PAH: variants seen among roughly 807,000 people sequenced by gnomAD.
PAH encodes phenylalanine-4-hydroxylase.
In PAH, 64 loss-of-function variants were observed where a neutral mutation model predicts 62.0. The ratio of observed to expected loss-of-function variants is 1.03; its 90% CI spans 0.84 to 1.27. The LOEUF is 1.27. PAH is among the 50% of genes most tolerant of loss of function. The probability of loss-of-function intolerance (pLI) is 0.00; values close to 1 mark genes in which losing one functional copy is unlikely to be tolerated. For synonymous variants in PAH, 195 were observed against 196.2 expected, an observed-to-expected ratio of 0.99 and a Z score of 0.05; for missense variants, 579 against 542.8, an observed-to-expected ratio of 1.07 and a Z score of -0.66.
chr12:102,839,370 TATA>T, intron 12 of PAH, 152 bp from the exon 13 acceptor site: 4 of 715,492 alleles, frequency 5.6e-6, no homozygotes, highest in Non-Finnish European at 1.0e-5. Flanking sequence ...CTCATTATGG[TATA>T]AGTACTTGCA....
At position 102,957,664 on chromosome 12, in the gene PAH, C is replaced by G. The variant is rs995693288; in HGVS notation, c.-96+531G>C. 2 of 152,404 alleles carry G rather than the reference C, an allele frequency of 1.3e-5. No homozygotes were observed. Among genetic ancestry groups the G allele is most frequent in the Non-Finnish European group, 2.9e-5 (2 of 68,110 alleles). The allele number at this position is 152,404 out of a possible 1,614,324, so 9.4% of individuals were successfully genotyped here. A position where few individuals can be genotyped will look rare whatever the true frequency, so the allele number is the denominator to read the frequency against. On this transcript the variant is annotated intron_variant, in intron 1 of 4. Coordinates refer to the PAH transcript ENST00000551337. This position sits in a 1 kb window ranked among gnomAD's most constrained non-coding sequence, Gnocchi z 4.1. ...GTCCCATTGAAAAGGCGGACGCACT[C>G]CGGCAGCCCAGCACTCTCTCACTTC...
At chr12:102,880,881 T>C (rs902053066) in intron 3 of PAH, among the ~76,000 whole-genome samples, 6 of 152,002 alleles carry the variant, frequency 3.9e-5, no homozygotes, top group Non-Finnish European at 7.4e-5. Flanking sequence ...AAAAATTCCA[T>C]CTTTATTGGG....
At chr12:102,882,994 G>A (rs567338218) in intron 3 of PAH, among the ~76,000 whole-genome samples, 1 of 152,148 alleles carries the variant, frequency 6.6e-6, no homozygotes, top group East Asian at 1.9e-4. Context: ...AGAGGAGGAG[G>A]GAGGAGGAAA....
upstream of PAH, chr12:102,917,295 T>C (rs1340012232): frequency 8.7e-6 from 6 of 686,440 alleles, no homozygotes; most frequent in Non-Finnish European, 1.0e-5. Flanking sequence ...ACGCCCCTCG[T>C]GGGCGTTGTC....
At chr12:102,882,075 C>G (rs1285949212) in intron 3 of PAH, among the ~76,000 whole-genome samples, 1 of 152,212 alleles carries the variant, frequency 6.6e-6, no homozygotes, top group Non-Finnish European at 1.5e-5. Flanking sequence ...ACATCCCCAC[C>G]AGCAGAGTAC....
At chr12:102,843,564 T>C (rs1874678030) in intron 11 of PAH, 82 bp downstream of exon 11, 3 of 1,449,594 alleles carry the variant, frequency 2.1e-6, no homozygotes, top group Non-Finnish European at 2.9e-6. Context: ...TGGAGTCCAC[T>C]CTCCTGGCCA....
chr12:102,887,165 G>A (rs962512070), intron 3 of PAH, among the ~76,000 whole-genome samples: 13 of 152,060 alleles, frequency 8.5e-5, no homozygotes, highest in African/African-American at 3.1e-4. Context: ...CAAGAGAAAG[G>A]AAGATGAGAA....
chr12:102,944,353 C>T (rs1291484389), intron 1 of PAH, among the ~76,000 whole-genome samples: 1 of 152,064 alleles, frequency 6.6e-6, no homozygotes, highest in Non-Finnish European at 1.5e-5. Flanking sequence ...ACTTTCTACC[C>T]CCATCTCTCT....
intron 1 of PAH, among the ~76,000 whole-genome samples, chr12:102,941,002 GA>G (rs1879267216): frequency 6.6e-6 from 1 of 152,178 alleles, no homozygotes; most frequent in South Asian, 2.1e-4. Flanking sequence ...AACCAGAAGA[GA>G]TTGGGGATCT....
intron 4 of PAH, among the ~76,000 whole-genome samples, chr12:102,868,665 A>T (rs1876168492): frequency 4.9e-5 from 1 of 20,364 alleles, no homozygotes; most frequent in African/African-American, 5.6e-4. Flanking sequence ...GATGTGGTTA[A>T]AAAAAAAAAA....
At chr12:102,899,082 T>C (rs144196212) in intron 2 of PAH, among the ~76,000 whole-genome samples, 28 of 152,298 alleles carry the variant, frequency 1.8e-4, no homozygotes, top group African/African-American at 6.5e-4. Context: ...CAGAGATTAC[T>C]TGTTAAACAA....
rs185980463 is a variant in PAH, at chr12:102,901,952, A to G, written c.169-7034T>C. Among the ~76,000 whole-genome samples, 7 of 152,338 alleles carry G rather than the reference A, an allele frequency of 4.6e-5. No homozygotes were observed. The East Asian group carries it at 1.4e-3, about 29-fold the overall frequency. On this transcript the variant is annotated intron_variant, in intron 2 of 12. Coordinates refer to ENST00000553106, the MANE Select transcript of PAH (RefSeq NM_000277.3). The stretch of plus-strand genomic sequence containing the variant: ...TGGAGCTTTATGTTCTCAAAGGAGG[A>G]GACAAACAGTAGTTATGGTAAATAA...
At chr12:102,889,456 A>C (rs187045382) in intron 3 of PAH, among the ~76,000 whole-genome samples, 1 of 148,938 alleles carries the variant, frequency 6.7e-6, no homozygotes, top group Non-Finnish European at 1.5e-5. Context: ...GATAGATGAT[A>C]GATGATTGAT....
At position 102,837,563 on chromosome 12, in the gene PAH, GAC is replaced by G. The variant is rs1874411958; in HGVS notation, c.*1610_*1611del. The stretch of plus-strand genomic sequence containing the variant: ...CCAACTTCAAAACAATGAAACTTCA[GAC>G]ACATTCAGTAAATTCCTCTTTCCTC... On this transcript the variant is annotated 3_prime_UTR_variant, in exon 13 of 13. Coordinates refer to ENST00000553106, the MANE Select transcript of PAH (RefSeq NM_000277.3). 6.6e-6 allele frequency: 1 copy of G among 152,170 alleles called. No homozygotes were observed. The highest frequency in any genetic ancestry group is 2.1e-4 in the South Asian group (1 of 4,826). 9.4% of individuals were successfully genotyped at this position (152,170 alleles called of 1,614,324 possible). A position where few individuals can be genotyped will look rare whatever the true frequency, so the allele number is the denominator to read the frequency against.
chr12:102,935,249 G>A lies in PAH; in HGVS notation c.-96+15340C>T, dbSNP rs116440057. Among the ~76,000 whole-genome samples the A allele has an allele frequency of 5.0e-3, 762 of 152,026 alleles. 6 individuals carry two copies. Among genetic ancestry groups the A allele is most frequent in the African/African-American group, 0.018 (727 of 41,540 alleles). On this transcript the variant is annotated intron_variant, in intron 1 of 3. Coordinates refer to the PAH transcript ENST00000546844. Reference sequence around the variant, plus strand: ...CCTTGTATCCTGGGATAAATCTCACGTGGTCTTGATGAATGATCTTTTAAA... The same window carrying A: ...CCTTGTATCCTGGGATAAATCTCACATGGTCTTGATGAATGATCTTTTAAA...
intron 2 of PAH, among the ~76,000 whole-genome samples, chr12:102,903,168 C>A (rs2136713421): frequency 6.6e-6 from 1 of 152,270 alleles, no homozygotes; most frequent in South Asian, 2.1e-4. Context: ...CGAGAACAGC[C>A]TGGCCAACAT....
Position 102,858,315 on chromosome 12 carries a change from G to A in PAH, c.510-2983C>T, listed in dbSNP as rs1592956618. On this transcript the variant is annotated intron_variant, in intron 5 of 12. Coordinates refer to ENST00000553106, the MANE Select transcript of PAH (RefSeq NM_000277.3). ...TATGCACCCAATACAGGAGCACCCA[G>A]ATTCATAAAGCAAGTCGTTAGAGAC... Among the ~76,000 whole-genome samples the A allele has an allele frequency of 2.0e-5, 3 of 152,306 alleles. No individual in the cohort carries two copies. In the Middle Eastern group the frequency reaches 0.01, roughly 518 times the overall value.
chr12:102,935,049 T>C (rs1169676138), intron 1 of PAH, among the ~76,000 whole-genome samples: 1 of 151,840 alleles, frequency 6.6e-6, no homozygotes, highest in African/African-American at 2.4e-5. Flanking sequence ...ATATGGCTTT[T>C]ATTGTGTTGA....
chr12:102,930,726 CA>C (rs1878831965), intron 1 of PAH, among the ~76,000 whole-genome samples: 1 of 152,170 alleles, frequency 6.6e-6, no homozygotes. Context: ...AATCCCTGAT[CA>C]AAACAGAATT....
Sources: gnomAD v4.1 joint callset for allele counts (sites outside exome capture counted in the v4.1 genomes callset) on GRCh38, gnomAD v4.1.1 for gene constraint, Gnocchi (gnomAD v3.1) non-coding constraint, MANE v1.5 for transcripts, NCBI Gene and HGNC (gene_info 2026-07-23, HGNC 2026-07-21) for gene names.